TTI1: variants seen among roughly 807,000 people sequenced by gnomAD.
TTI1 encodes TELO2 interacting protein 1, also known as TELO2-interacting protein 1 homolog.
A neutral mutation model predicts 85.4 loss-of-function variants in TTI1; 52 were observed. That is an observed-to-expected ratio of 0.61 (90% CI 0.49 to 0.77). The LOEUF is 0.77. TTI1 is among the 30% of genes least tolerant of loss of function. The probability of loss-of-function intolerance (pLI) is 0.00; values close to 1 mark genes in which losing one functional copy is unlikely to be tolerated. For synonymous variants in TTI1, 512 were observed against 503.9 expected, an observed-to-expected ratio of 1.02 and a Z score of -0.22; for missense variants, 1,173 against 1,296.0, an observed-to-expected ratio of 0.91 and a Z score of 1.46.
At chr20:37,996,338 C>T (rs752376612) in intron 7 of TTI1, 37 bp downstream of exon 7, 1 of 1,608,574 alleles carries the variant, frequency 6.2e-7, no homozygotes, top group East Asian at 2.2e-5. Context: ...TAATTTAGAA[C>T]AAACGTAAAG....
chr20:38,020,350 A>ATATATATATATATATATATATG (rs1487473454), intron 1 of TTI1, among the ~76,000 whole-genome samples: 10 of 125,780 alleles, frequency 8.0e-5, no homozygotes, highest in East Asian at 2.2e-4. Context: ...ATATATATAT[A>ATATATATATATATATATATATG]TATGTATGTA....
Position 37,999,283 on chromosome 20 carries a change from T to C in TTI1, c.2698A>G (p.Lys900Glu). The stretch of plus-strand genomic sequence containing the variant: ...TGAGCCAAGGGAAGCAGCTGGTTTT[T>C]GTGGGACTGAAGAACAACCACACAC... ...DLCVVVLQSH[K>E]NQLLPLAHQA... The change falls in exon 5 of 8, where the codon AAA becomes GAA. Residue 900 changes from lysine to glutamate, a missense_variant. Coordinates refer to ENST00000373447, the MANE Select transcript of TTI1 (RefSeq NM_001303457.2). 1 of 1,521,956 alleles carries C rather than the reference T, an allele frequency of 6.6e-7. No homozygotes were observed. Among genetic ancestry groups the C allele is most frequent in the Non-Finnish European group, 8.8e-7 (1 of 1,132,364 alleles). 94.3% of individuals were successfully genotyped at this position (1,521,956 alleles called of 1,614,324 possible).
At chr20:38,019,229 T>A (rs2073728566) in intron 1 of TTI1, 1 of 147,964 alleles carries the variant, frequency 6.8e-6, no homozygotes, top group African/African-American at 2.5e-5. Context: ...AGGGCAACAC[T>A]AAAAGAAAAA....
rs2073603007 is a variant in TTI1 at position 38,012,121 on chromosome 20, T to G, written c.1696A>C (p.Ser566Arg). The stretch of plus-strand genomic sequence containing the variant: ...GTAACCAAATACCAATTTTCTTGAC[T>G]TGTGTATTCTTCAAGTATAGATGTC... ...IVTSILEEYT[S>R]QENWYLVTCL... Residue 566 changes from serine (S) to arginine (R), a missense_variant, in exon 2 of 8, where the codon AGT becomes CGT. By Grantham distance (110) the Ser-to-Arg change is moderately radical. Coordinates refer to ENST00000373447, the MANE Select transcript of TTI1 (RefSeq NM_001303457.2). 2 of 1,614,096 alleles carry G rather than the reference T, an allele frequency of 1.2e-6. No individual in the cohort carries two copies. The highest frequency in any genetic ancestry group is 1.7e-6 in the Non-Finnish European group (2 of 1,180,046).
rs185872947 is a variant in TTI1 at position 37,996,232 on chromosome 20, A to T, written c.3086+143T>A. ...CACATCTAGTAAAAATACCATCTCT[A>T]GTGCTGGCACAGTTAAAGAATTATC... On this transcript the variant is annotated intron_variant, in intron 7 of 7. Coordinates refer to ENST00000373447, the MANE Select transcript of TTI1 (RefSeq NM_001303457.2). 8.0e-5 allele frequency: 64 copies of T among 800,866 alleles called. No individual in the cohort carries two copies. The East Asian group carries it at 1.7e-3, about 21-fold the overall frequency. 49.6% of individuals were successfully genotyped at this position (800,866 alleles called of 1,614,324 possible).
intron 7 of TTI1, among the ~76,000 whole-genome samples, chr20:37,985,773 C>T (rs1402264988): frequency 6.6e-6 from 1 of 152,032 alleles, no homozygotes; most frequent in East Asian, 1.9e-4. Context: ...GGTGATCAAC[C>T]CTCCTCAGCC....
chr20:37,983,491 T>C lies in TTI1; in HGVS notation c.3235A>G (p.Thr1079Ala), dbSNP rs750703993. 7 of 1,611,416 alleles carry C rather than the reference T, an allele frequency of 4.3e-6. No homozygotes were observed. In the South Asian group the frequency reaches 7.7e-5, roughly 18 times the overall value. The change falls in exon 8 of 8, where the codon ACC (threonine) becomes GCC (alanine). Residue 1079 changes from threonine (T) to alanine (A), a missense_variant. Transcript: ENST00000373447. ...TCCTTGAGCAGCTGGAGCACGTTGG[T>C]CGTGTAGGGGTTCTGCTGCCCGCTG... ...GASGQQNPYT[T>A]NVLQLLKELQ
intron 5 of TTI1, among the ~76,000 whole-genome samples, 161 bp from the exon 6 acceptor site, chr20:37,997,114 T>C (rs986353639): frequency 6.6e-6 from 1 of 151,984 alleles, no homozygotes; most frequent in Non-Finnish European, 1.5e-5. Context: ...ATTCTGACAG[T>C]TATGAATTTG....
intron 7 of TTI1, among the ~76,000 whole-genome samples, chr20:37,987,655 T>C (rs1321984099): frequency 6.6e-6 from 1 of 152,220 alleles, no homozygotes; most frequent in Non-Finnish European, 1.5e-5. Context: ...TAAGGCCGTG[T>C]AGCTTAAATG....
At chr20:38,006,524 C>G in intron 2 of TTI1, 127 bp from the exon 3 acceptor site, 1 of 996,236 alleles carries the variant, frequency 1.0e-6, no homozygotes, top group Non-Finnish European at 1.5e-6. Context: ...CCTGGCTCCC[C>G]GGCCTCCCAG....
At chr20:38,032,925 A>G (rs990121703) in intron 1 of TTI1, among the ~76,000 whole-genome samples, 1 of 152,200 alleles carries the variant, frequency 6.6e-6, no homozygotes, top group Non-Finnish European at 1.5e-5. Flanking sequence ...CCCTAAAGTT[A>G]ACACCTCACT....
rs2036 is a variant in TTI1, at chr20:37,983,245, C to A, written c.*211G>T. The stretch of plus-strand genomic sequence containing the variant: ...AGAGCCACCAGACAATGTCACTTGA[C>A]AACACAAGGTATGAAACATAAATAA... On this transcript the variant is annotated 3_prime_UTR_variant, in exon 8 of 8. Transcript: ENST00000373447. 433,226 of 533,818 alleles carry A rather than the reference C, an allele frequency of 0.81. 177,199 individuals are homozygous for A. The highest frequency in any genetic ancestry group is 0.96 in the African/African-American group (49,205 of 51,090). The allele number at this position is 533,818 out of a possible 1,614,324, so 33.1% of individuals were successfully genotyped here.
intron 7 of TTI1, among the ~76,000 whole-genome samples, chr20:37,986,504 G>A (rs764811550): frequency 6.6e-6 from 1 of 152,210 alleles, no homozygotes; most frequent in African/African-American, 2.4e-5. Flanking sequence ...TGGAAGGACT[G>A]TTTTGGGTCT....
intron 3 of TTI1, among the ~76,000 whole-genome samples, chr20:38,005,333 A>C (rs1284739257): frequency 6.6e-6 from 1 of 152,190 alleles, no homozygotes. Context: ...TCCTTCCGTG[A>C]CCTGAAGCTC....
At chr20:38,018,585 C>A (rs1337729384) in intron 1 of TTI1, among the ~76,000 whole-genome samples, 1 of 152,044 alleles carries the variant, frequency 6.6e-6, no homozygotes, top group Non-Finnish European at 1.5e-5. Flanking sequence ...ATTTAAGAAA[C>A]TCAGCAACCC....
chr20:38,013,878 A>G, intron 1 of TTI1, 21 bp from the exon 2 acceptor site: 2 of 1,537,432 alleles, frequency 1.3e-6, no homozygotes, highest in Admixed American at 2.1e-5. Context: ...GAAACTGTTC[A>G]GTAAAAATGT....
intron 1 of TTI1, among the ~76,000 whole-genome samples, chr20:38,026,881 A>G (rs113541355): frequency 6.6e-6 from 1 of 152,254 alleles, no homozygotes. Context: ...TGTTTAAGAC[A>G]TTTATATGAT....
At chr20:37,983,680 G>C (rs759768970) in intron 7 of TTI1, 41 bp from the exon 8 acceptor site, 5 of 1,438,362 alleles carry the variant, frequency 3.5e-6, no homozygotes, top group East Asian at 2.7e-5. Context: ...GGTACAGAGA[G>C]GGAAGGCGGG....
In TTI1 at chr20:37,994,415, A is replaced by G. The variant is rs567866454; in HGVS notation, c.3086+1960T>C. 2.6e-5 allele frequency among the ~76,000 whole-genome samples: 4 copies of G among 152,240 alleles called. No individual in the cohort carries two copies. In the East Asian group the frequency reaches 5.8e-4, roughly 22 times the overall value. On this transcript the variant is annotated intron_variant, in intron 7 of 7. Transcript: ENST00000373447. ...CCCAAAGCGCTGGGATAACAGGCGT[A>G]AGCCACCCACCGCACCCAGCTGCCA... is the stretch of plus-strand genomic sequence containing the variant.
Sources: gnomAD v4.1 joint callset for allele counts (sites outside exome capture counted in the v4.1 genomes callset) on GRCh38, gnomAD v4.1.1 for gene constraint, MANE v1.5 for transcripts, NCBI Gene and HGNC (gene_info 2026-07-23, HGNC 2026-07-21) for gene names.